DIAPH3: variants seen among roughly 807,000 people sequenced by gnomAD.
DIAPH3 encodes the protein diaphanous related formin 3, also known as protein diaphanous homolog 3.
DIAPH3 carries 117 observed loss-of-function variants against 144.3 expected under a neutral mutation model. The ratio of observed to expected loss-of-function variants is 0.81; its 90% CI spans 0.70 to 0.95. The LOEUF (loss-of-function observed/expected upper bound fraction) is 0.95, where lower values mean the gene tolerates loss of function less well. DIAPH3 is among the 40% of genes least tolerant of loss of function. The probability of loss-of-function intolerance (pLI) is 0.00; values close to 1 mark genes in which losing one functional copy is unlikely to be tolerated. For missense variants in DIAPH3, 1,421 were observed against 1,412.7 expected (o/e 1.01, Z -0.09); for synonymous variants, 519 against 488.9 (o/e 1.06, Z -0.81).
At position 59,833,254 on chromosome 13, in the gene DIAPH3, T is replaced by G; in HGVS notation, c.2880A>C (p.Ala960=). 1.2e-6 allele frequency: 2 copies of G among 1,608,596 alleles called. No individual in the cohort carries two copies. Among genetic ancestry groups the G allele is most frequent in the Non-Finnish European group, 8.5e-7 (1 of 1,176,698 alleles). ...TCGAAAGTGTCTCATATTGTTCTTT[T>G]GCACTGATAACAAATCTGTATACTA... ...VTKMSRFVIS[A]KEQYETLSKL... The change falls in exon 24 of 28, where the codon GCA becomes GCC. Residue 960 remains alanine (A), a synonymous_variant. Coordinates refer to ENST00000400324, the MANE Select transcript of DIAPH3 (RefSeq NM_001042517.2).
chr13:59,980,523 C>T (rs2050929257), intron 14 of DIAPH3, among the ~76,000 whole-genome samples: 1 of 151,514 alleles, frequency 6.6e-6, no homozygotes, highest in Non-Finnish European at 1.5e-5. Flanking sequence ...ATAGATAAGT[C>T]ATTCACATAT....
At chr13:59,778,198 C>A (rs762319737) in intron 25 of DIAPH3, among the ~76,000 whole-genome samples, 1 of 152,202 alleles carries the variant, frequency 6.6e-6, no homozygotes, top group Non-Finnish European at 1.5e-5. Flanking sequence ...TCCTTCAAAA[C>A]GGAGAACTGA....
intron 18 of DIAPH3, among the ~76,000 whole-genome samples, chr13:59,924,279 C>A (rs1205179690): frequency 6.6e-6 from 1 of 152,106 alleles, no homozygotes; most frequent in African/African-American, 2.4e-5. Flanking sequence ...TATTTCTACT[C>A]AGAACTTTTG....
intron 4 of DIAPH3, among the ~76,000 whole-genome samples, chr13:60,092,574 C>A (rs112886609): frequency 1.3e-5 from 2 of 152,084 alleles, no homozygotes; most frequent in Non-Finnish European, 2.9e-5. Context: ...TGGCGTGAAC[C>A]CGGGAGGCGG....
At chr13:59,715,365 T>C (rs955430411) in intron 27 of DIAPH3, among the ~76,000 whole-genome samples, 4 of 152,158 alleles carry the variant, frequency 2.6e-5, no homozygotes, top group African/African-American at 9.7e-5. Context: ...CTTGTGAAGA[T>C]AAAAGCTTCA....
chr13:59,828,379 C>T (rs2041575406), intron 24 of DIAPH3, among the ~76,000 whole-genome samples: 1 of 151,868 alleles, frequency 6.6e-6, no homozygotes, highest in Non-Finnish European at 1.5e-5. Context: ...TTATTATACC[C>T]AAGGAGTATG....
intron 22 of DIAPH3, among the ~76,000 whole-genome samples, chr13:59,846,961 C>T (rs1167118263): frequency 6.6e-6 from 1 of 152,066 alleles, no homozygotes; most frequent in Non-Finnish European, 1.5e-5. Flanking sequence ...TGCCTATACT[C>T]CTAGTTACCC....
chr13:59,953,524 A>C (rs7996495), intron 17 of DIAPH3, among the ~76,000 whole-genome samples: 24 of 152,082 alleles, frequency 1.6e-4, no homozygotes, highest in Non-Finnish European at 3.2e-4. Context: ...GAAGGAACCA[A>C]TAGGAATTTT....
intron 18 of DIAPH3, among the ~76,000 whole-genome samples, chr13:59,924,242 C>T (rs1454913034): frequency 6.6e-6 from 1 of 152,110 alleles, no homozygotes; most frequent in Admixed American, 6.6e-5. Flanking sequence ...GAGTATTTAG[C>T]TCCTGTAACA....
At chr13:59,841,299 T>C (rs1345466792) in intron 22 of DIAPH3, among the ~76,000 whole-genome samples, 1 of 152,058 alleles carries the variant, frequency 6.6e-6, no homozygotes, top group East Asian at 1.9e-4. Context: ...TAAATAAAGG[T>C]TCAAAAGCAA....
rs753452623 is a variant in DIAPH3 at position 59,666,702 on chromosome 13, T to G, written c.3464A>C (p.Lys1155Thr). Residue 1155 changes from lysine (K) to threonine (T), a missense_variant, in exon 28 of 28, where the codon AAG (lysine) becomes ACG (threonine). By Grantham distance (78) the Lys-to-Thr change is moderately conservative. Coordinates refer to ENST00000400324, the MANE Select transcript of DIAPH3 (RefSeq NM_001042517.2). Reference protein sequence around the residue: ...STGRIKAAEKKEACNVESNRK... With the variant: ...STGRIKAAEKTEACNVESNRK... ...GTTGCTTTCTACATTACACGCTTCC[T>G]TCTTCTCAGCTGCCTTGATCCTCCC... The G allele has an allele frequency of 5.6e-6, 9 of 1,614,182 alleles. No individual in the cohort carries two copies. Among genetic ancestry groups the G allele is most frequent in the Middle Eastern group, 1.6e-4 (1 of 6,062 alleles).
intron 15 of DIAPH3, 116 bp from the exon 16 acceptor site, chr13:59,971,276 A>C (rs1937943429): frequency 1.0e-6 from 1 of 983,716 alleles, no homozygotes; most frequent in Admixed American, 2.9e-5. Context: ...CATATCAGTA[A>C]TTTCATAAGG....
At chr13:59,829,497 T>G (rs946288594) in intron 24 of DIAPH3, among the ~76,000 whole-genome samples, 7 of 151,890 alleles carry the variant, frequency 4.6e-5, no homozygotes, top group Admixed American at 1.3e-4. Context: ...TTTCCTCATC[T>G]GAAAAATGGG....
chr13:59,999,539 C>T (rs2052402922), intron 9 of DIAPH3, among the ~76,000 whole-genome samples: 1 of 152,122 alleles, frequency 6.6e-6, no homozygotes, highest in Admixed American at 6.6e-5. Context: ...ACAGCCCCAG[C>T]TGCTACCTTC....
chr13:60,061,017 T>C (rs551140427), intron 4 of DIAPH3, among the ~76,000 whole-genome samples: 2 of 152,130 alleles, frequency 1.3e-5, no homozygotes, highest in South Asian at 4.1e-4. Context: ...TAAGAACATC[T>C]AAACAGTTAA....
chr13:59,888,891 T>C (rs1163050438), intron 20 of DIAPH3, among the ~76,000 whole-genome samples: 1 of 152,068 alleles, frequency 6.6e-6, no homozygotes, highest in African/African-American at 2.4e-5. Context: ...TTTAACACCT[T>C]TCTGTTGAGC....
chr13:59,976,142 AG>A (rs898865956), intron 14 of DIAPH3, among the ~76,000 whole-genome samples: 1 of 151,942 alleles, frequency 6.6e-6, no homozygotes, highest in African/African-American at 2.4e-5. Context: ...ACTTTTTCAA[AG>A]GGTATTCTTA....
chr13:59,929,686 C>T (rs1338461926), intron 17 of DIAPH3, among the ~76,000 whole-genome samples: 26 of 150,852 alleles, frequency 1.7e-4, no homozygotes, highest in African/African-American at 6.3e-4. Flanking sequence ...CCTCGGCCTC[C>T]TGAGTAGCTG....
rs144002944 is a variant in DIAPH3, at chr13:60,040,503, T to C, written c.626+2187A>G. On this transcript the variant is annotated intron_variant, in intron 5 of 27. Coordinates refer to ENST00000400324, the MANE Select transcript of DIAPH3 (RefSeq NM_001042517.2). ...GTGTTTTTAGGTAAAATCACAATAA[T>C]AACCCATTGTAAGATGCATGAATTC... Among the ~76,000 whole-genome samples, 570 of 152,240 alleles carry C rather than the reference T, an allele frequency of 3.7e-3. 2 individuals carry two copies. The highest frequency in any genetic ancestry group is 0.012 in the African/African-American group (503 of 41,552).
Sources: allele counts gnomAD v4.1 joint callset (sites outside exome capture counted in the v4.1 genomes callset), GRCh38; gene constraint gnomAD v4.1.1; transcripts MANE v1.5; gene names NCBI Gene and HGNC (gene_info 2026-07-23, HGNC 2026-07-21).